The following TACR2 variants were observed in gnomAD, a reference collection of about 807,000 sequenced individuals.
TACR2 encodes substance-K receptor.
In TACR2, 24 loss-of-function variants were observed where a neutral mutation model predicts 28.9. The observed-to-expected ratio is 0.83, with a 90% CI of 0.60 to 1.17. The LOEUF is 1.17. TACR2 is among the 50% of genes most tolerant of loss of function. The pLI, the probability that TACR2 is intolerant of heterozygous loss-of-function variation, is 0.00. For missense variants in TACR2, 487 were observed against 524.4 expected (o/e 0.93, Z 0.70); for synonymous variants, 222 against 212.6 (o/e 1.04, Z -0.38).
At chr10:69,411,720 C>A (rs768498384) in intron 2 of TACR2, among the ~76,000 whole-genome samples, 11 of 152,204 alleles carry the variant, frequency 7.2e-5, no homozygotes, top group Non-Finnish European at 1.5e-4. Flanking sequence ...CTCATTTCGA[C>A]CCCCTGTGAT....
At chr10:69,414,578 T>A (rs1840595902) in intron 2 of TACR2, among the ~76,000 whole-genome samples, 1 of 151,598 alleles carries the variant, frequency 6.6e-6, no homozygotes, top group South Asian at 2.1e-4. Flanking sequence ...CATAGCTGGA[T>A]TCAAATGACT....
At position 69,409,006 on chromosome 10, in the gene TACR2, G is replaced by A; in HGVS notation, c.657C>T (p.Val219=). 1.2e-6 allele frequency: 2 copies of A among 1,608,072 alleles called. No homozygotes were observed. The highest frequency in any genetic ancestry group is 1.7e-6 in the Non-Finnish European group (2 of 1,178,560). ...PLAVMFVAYS[V]IGLTLWRRAV... ...CGCGCCTCCAGAGCGTGAGGCCGATGACGCTGTAGGCTACAAACATCACCG... is the reference window on the plus strand; with the variant it reads ...CGCGCCTCCAGAGCGTGAGGCCGATAACGCTGTAGGCTACAAACATCACCG... Residue 219 remains valine, a synonymous_variant, in exon 3 of 5, where the codon GTC becomes GTT. Coordinates refer to ENST00000373306, the MANE Select transcript of TACR2 (RefSeq NM_001057.3).
rs1365455979 is a variant in TACR2, at chr10:69,416,444, C to A, written c.-121G>T. On this transcript the variant is annotated 5_prime_UTR_variant, in exon 1 of 5. Coordinates refer to ENST00000373306, the MANE Select transcript of TACR2 (RefSeq NM_001057.3). The stretch of plus-strand genomic sequence containing the variant: ...GGCAGGGAGAGGAGCAGATGCCAAG[C>A]GTGGTGGCACATCAGGAGAGCCTGG... 16 of 1,384,848 alleles carry A rather than the reference C, an allele frequency of 1.2e-5. No homozygotes were observed. In the South Asian group the frequency reaches 1.2e-4, roughly 10 times the overall value. 85.8% of individuals were successfully genotyped at this position (1,384,848 alleles called of 1,614,324 possible).
Position 69,415,983 on chromosome 10 carries a change from A to G in TACR2, c.341T>C (p.Ile114Thr), listed in dbSNP as rs1232291637. Residue 114 changes from isoleucine to threonine, a missense_variant, in exon 1 of 5, where the codon ATC becomes ACC. Ile to Thr is a moderately conservative substitution (Grantham distance 89). Transcript: ENST00000373306. The part of the protein sequence containing the change: ...AFCYFQNLFP[I>T]TAMFVSIYSM... ...GTAGATGCTGACAAACATGGCTGTG[A>G]TGGGGAAGAGGTTCTGGAAGTAGCA... 1.9e-6 allele frequency: 3 copies of G among 1,614,202 alleles called. No homozygotes were observed. The South Asian group carries it at 3.3e-5, about 18-fold the overall frequency.
chr10:69,415,118 G>A lies in TACR2; in HGVS notation c.414C>T (p.Pro138=), dbSNP rs1277064736. 13 of 1,612,316 alleles carry A rather than the reference G, an allele frequency of 8.1e-6. No individual in the cohort carries two copies. The highest frequency in any genetic ancestry group is 1.0e-5 in the Non-Finnish European group (12 of 1,179,918). Residue 138 remains proline, a synonymous_variant, in exon 2 of 5, where the codon CCC becomes CCT. Coordinates refer to ENST00000373306, the MANE Select transcript of TACR2 (RefSeq NM_001057.3). ...AADRYMAIVH[P]FQPRLSAPST... ...TGGGAGCTGAAAGCCGAGGCTGGAA[G>A]GGGTGGACGATGGCCATGTACCTGT...
Position 69,407,208 on chromosome 10 carries a change from G to A in TACR2, c.814C>T (p.Leu272=), listed in dbSNP as rs779699853. 1.9e-6 allele frequency: 3 copies of A among 1,614,018 alleles called. No homozygotes were observed. The highest frequency in any genetic ancestry group is 2.5e-6 in the Non-Finnish European group (3 of 1,179,960). Reference sequence around the variant, plus strand: ...TAGATGTCCTCCTGGAAGCTGCCCAGGATGAAGTAGAGGTGGTAGGGCAGC... The same window carrying A: ...TAGATGTCCTCCTGGAAGCTGCCCAAGATGAAGTAGAGGTGGTAGGGCAGC... ...CWLPYHLYFI[L]GSFQEDIYCH... Residue 272 remains leucine, a synonymous_variant, in exon 4 of 5, where the codon CTG becomes TTG. Coordinates refer to ENST00000373306, the MANE Select transcript of TACR2 (RefSeq NM_001057.3).
chr10:69,415,829 G>A, intron 1 of TACR2, 103 bp downstream of exon 1: 4 of 1,399,998 alleles, frequency 2.9e-6, no homozygotes, highest in Non-Finnish European at 2.9e-6. Flanking sequence ...CATTCCCATG[G>A]TTCTACCCAA....
Position 69,415,841 on chromosome 10 carries a change from C to T in TACR2, c.392+91G>A. 2.0e-6 allele frequency: 3 copies of T among 1,473,306 alleles called. No individual in the cohort carries two copies. The South Asian group carries it at 3.9e-5, about 19-fold the overall frequency. The allele number at this position is 1,473,306 out of a possible 1,614,324, so 91.3% of individuals were successfully genotyped here. ...AGCCATTCCCATGGTTCTACCCAAACTTGCTGTGTAATCACAGGCATGTCA... is the reference window on the plus strand; with the variant it reads ...AGCCATTCCCATGGTTCTACCCAAATTTGCTGTGTAATCACAGGCATGTCA... On this transcript the variant is annotated intron_variant, in intron 1 of 4. Coordinates refer to ENST00000373306, the MANE Select transcript of TACR2 (RefSeq NM_001057.3).
In TACR2 at chr10:69,407,156, T is replaced by G. The variant is rs1398321820; in HGVS notation, c.866A>C (p.Tyr289Ser). The G allele has an allele frequency of 1.2e-6, 2 of 1,613,856 alleles. No homozygotes were observed. The highest frequency in any genetic ancestry group is 2.7e-5 in the African/African-American group (2 of 74,866). Residue 289 changes from tyrosine to serine, a missense_variant, in exon 4 of 5, where the codon TAC becomes TCC. Transcript: ENST00000373306. ...IYCHKFIQQV[Y>S]LALFWLAMSS... ...CATGGCCAACCAGAAGAGTGCCAGGTAGACTTGCTGGATGAACTTGTGGCA... is the reference window on the plus strand; with the variant it reads ...CATGGCCAACCAGAAGAGTGCCAGGGAGACTTGCTGGATGAACTTGTGGCA...
At position 69,409,916 on chromosome 10, in the gene TACR2, T is replaced by TATAC. The variant is rs1840552581; in HGVS notation, c.588-842_588-841insGTAT. Among the ~76,000 whole-genome samples the TATAC allele has an allele frequency of 1.3e-4, 4 of 31,546 alleles. 1 individual carries two copies. In the East Asian group the frequency reaches 1.9e-3, roughly 15 times the overall value. 20.7% of individuals were successfully genotyped at this position (31,546 alleles called of 152,430 possible). Reference sequence around the variant, plus strand: ...ATATATATATATACATATATATATATATATATATATATATATATATATATA... The same window carrying TATAC: ...ATATATATATATACATATATATATATATACATATATATATATATATATATATATA... On this transcript the variant is annotated intron_variant, in intron 2 of 4. Coordinates refer to ENST00000373306, the MANE Select transcript of TACR2 (RefSeq NM_001057.3).
At chr10:69,414,251 G>A (rs576389134) in intron 2 of TACR2, among the ~76,000 whole-genome samples, 2 of 152,258 alleles carry the variant, frequency 1.3e-5, no homozygotes, top group Non-Finnish European at 2.9e-5. Flanking sequence ...GCCTGAAAAT[G>A]TCCCAGGCTC....
At chr10:69,414,145 G>C (rs180777643) in intron 2 of TACR2, among the ~76,000 whole-genome samples, 167 of 152,286 alleles carry the variant, frequency 1.1e-3, no homozygotes, top group African/African-American at 3.7e-3. Context: ...CCGGAATGGA[G>C]AAAGGACTCA....
chr10:69,408,193 C>T (rs1056634751), intron 3 of TACR2, among the ~76,000 whole-genome samples: 2 of 152,088 alleles, frequency 1.3e-5, no homozygotes, highest in East Asian at 1.9e-4. Flanking sequence ...CTGCCACTTC[C>T]GGAAGAAACT....
Position 69,414,933 on chromosome 10 carries a change from C to T in TACR2, c.587+12G>A. ...CACACTGTTGCCCTCCACAATCCCC[C>T]AGAGGCCTTACAGGAGGAGCGTCTT... On this transcript the variant is annotated intron_variant, in intron 2 of 4. Transcript: ENST00000373306. 6.2e-7 allele frequency: 1 copy of T among 1,603,656 alleles called. No individual in the cohort carries two copies. Among genetic ancestry groups the T allele is most frequent in the Non-Finnish European group, 8.5e-7 (1 of 1,172,754 alleles).
intron 2 of TACR2, among the ~76,000 whole-genome samples, chr10:69,409,874 TA>T (rs1840547609): frequency 4.9e-5 from 1 of 20,392 alleles, no homozygotes. Flanking sequence ...TGTATATATA[TA>T]TATATACATA....
intron 4 of TACR2, among the ~76,000 whole-genome samples, chr10:69,406,511 A>AAAGTC (rs1488686284): frequency 6.6e-6 from 1 of 152,182 alleles, no homozygotes. Flanking sequence ...AGCTGCCCTG[A>AAAGTC]AAGTCCCTGG....
In TACR2 at chr10:69,415,153, G is replaced by A; in HGVS notation, c.393-14C>T. ...ATGGCCATGTACCTGTGAGCAGAGGGCAGCTTGAGCGGCAGGGGCCCTCCT... is the reference window on the plus strand; with the variant it reads ...ATGGCCATGTACCTGTGAGCAGAGGACAGCTTGAGCGGCAGGGGCCCTCCT... On this transcript the variant is annotated splice_polypyrimidine_tract_variant and intron_variant, in intron 1 of 4. Coordinates refer to ENST00000373306, the MANE Select transcript of TACR2 (RefSeq NM_001057.3). 1 of 1,601,994 alleles carries A rather than the reference G, an allele frequency of 6.2e-7. No individual in the cohort carries two copies. The highest frequency in any genetic ancestry group is 1.1e-5 in the South Asian group (1 of 90,400).
rs1840621405 is a variant in TACR2, at chr10:69,416,552, C to T, written c.-229G>A. 8.2e-6 allele frequency: 4 copies of T among 490,068 alleles called. No individual in the cohort carries two copies. The East Asian group carries it at 9.5e-5, about 12-fold the overall frequency. 30.4% of individuals were successfully genotyped at this position (490,068 alleles called of 1,614,324 possible). On this transcript the variant is annotated 5_prime_UTR_variant, in exon 1 of 5. Coordinates refer to ENST00000373306, the MANE Select transcript of TACR2 (RefSeq NM_001057.3). ...AACCATTGTCATTTCAGATTCCATC[C>T]TTCCGGCCAGACTTCTCGAATATCA...
At chr10:69,406,509 T>G (rs1008727205) in intron 4 of TACR2, among the ~76,000 whole-genome samples, 1 of 152,174 alleles carries the variant, frequency 6.6e-6, no homozygotes, top group African/African-American at 2.4e-5. Context: ...CCAGCTGCCC[T>G]GAAAGTCCCT....
Sources: allele counts gnomAD v4.1 joint callset (sites outside exome capture counted in the v4.1 genomes callset), GRCh38; gene constraint gnomAD v4.1.1; transcripts MANE v1.5; gene names NCBI Gene and HGNC (gene_info 2026-07-23, HGNC 2026-07-21).